The following SMAP1 variants were observed in gnomAD, a reference collection of about 807,000 sequenced individuals.
SMAP1 encodes stromal membrane-associated protein 1.
A neutral mutation model predicts 58.5 loss-of-function variants in SMAP1; 24 were observed. The observed-to-expected ratio is 0.41, with a 90% CI of 0.30 to 0.58. SMAP1 has a LOEUF of 0.58. SMAP1 is among the 20% of genes least tolerant of loss of function. The probability of loss-of-function intolerance (pLI) is 0.29; values close to 1 mark genes in which losing one functional copy is unlikely to be tolerated. For missense variants in SMAP1, 563 were observed against 566.3 expected (o/e 0.99, Z 0.06); for synonymous variants, 216 against 196.6 (o/e 1.10, Z -0.82).
intron 5 of SMAP1, among the ~76,000 whole-genome samples, chr6:70,792,478 G>A (rs1048166184): frequency 6.6e-6 from 1 of 151,966 alleles, no homozygotes; most frequent in African/African-American, 2.4e-5. Flanking sequence ...CCCTCCAGGA[G>A]CTTACAGTCT....
At chr6:70,825,956 G>A (rs1474713363) in intron 6 of SMAP1, among the ~76,000 whole-genome samples, 1 of 152,164 alleles carries the variant, frequency 6.6e-6, no homozygotes, top group Non-Finnish European at 1.5e-5. Context: ...TTGTGTCCAT[G>A]TGCATAACTA....
intron 1 of SMAP1, among the ~76,000 whole-genome samples, chr6:70,675,050 C>A (rs567509879): frequency 1.3e-5 from 2 of 150,644 alleles, no homozygotes; most frequent in Non-Finnish European, 2.9e-5. Flanking sequence ...AGACATGAAA[C>A]AATTACCAGT....
intron 1 of SMAP1, among the ~76,000 whole-genome samples, chr6:70,718,819 C>CAAA (rs5877259): frequency 8.7e-4 from 50 of 57,342 alleles, no homozygotes; most frequent in Non-Finnish European, 1.3e-3. Context: ...GACTCCATCT[C>CAAA]AAAAAAAAAA....
intron 10 of SMAP1, 58 bp downstream of exon 10, chr6:70,858,287 CTTTT>C (rs68188898): frequency 0.038 from 10,683 of 284,172 alleles, 81 homozygotes; most frequent in African/African-American, 0.11. Flanking sequence ...TTTTCTAAAT[CTTTT>C]TTTTTTTTTT....
intron 6 of SMAP1, among the ~76,000 whole-genome samples, chr6:70,804,731 T>G (rs548323411): frequency 9.2e-5 from 14 of 152,234 alleles, no homozygotes; most frequent in South Asian, 2.1e-4. Flanking sequence ...GTCTGTAAAG[T>G]ATTTTATTTC....
chr6:70,804,593 G>A (rs1164115647), intron 6 of SMAP1, among the ~76,000 whole-genome samples: 3 of 152,136 alleles, frequency 2.0e-5, no homozygotes, highest in Non-Finnish European at 4.4e-5. Context: ...TCATAGCATC[G>A]ATGGTCTTTC....
intron 1 of SMAP1, among the ~76,000 whole-genome samples, 156 bp downstream of exon 1, chr6:70,668,297 C>T (rs1349700803): frequency 1.3e-5 from 2 of 152,034 alleles, no homozygotes; most frequent in Non-Finnish European, 2.9e-5. Flanking sequence ...GGGCGCGGGG[C>T]TCCTGTCGAC....
intron 6 of SMAP1, among the ~76,000 whole-genome samples, chr6:70,813,777 A>G (rs1769493026): frequency 6.6e-6 from 1 of 152,158 alleles, no homozygotes; most frequent in Non-Finnish European, 1.5e-5. Context: ...AAAATCTGTT[A>G]AATAAACAAT....
chr6:70,777,817 A>G (rs1767606595), intron 4 of SMAP1, among the ~76,000 whole-genome samples: 1 of 151,714 alleles, frequency 6.6e-6, no homozygotes, highest in Admixed American at 6.6e-5. Context: ...TAATGGTGCA[A>G]TCTCAGCTCC....
chr6:70,834,436 C>G (rs985756821), intron 6 of SMAP1, among the ~76,000 whole-genome samples: 2 of 150,646 alleles, frequency 1.3e-5, no homozygotes, highest in African/African-American at 4.9e-5. Context: ...TTCCTGTATT[C>G]CTATTTGGCA....
intron 7 of SMAP1, 22 bp downstream of exon 7, chr6:70,837,050 T>C (rs1451279689): frequency 6.6e-7 from 1 of 1,520,342 alleles, no homozygotes; most frequent in Non-Finnish European, 8.9e-7. Context: ...AAAATAAAAG[T>C]CACTGCTGGA....
intron 2 of SMAP1, among the ~76,000 whole-genome samples, chr6:70,754,770 C>G (rs950236229): frequency 4.6e-5 from 7 of 152,044 alleles, no homozygotes; most frequent in Middle Eastern, 3.4e-3. Context: ...GATCAACATA[C>G]GTTGATAAAT....
chr6:70,751,905 C>T (rs919971369), intron 2 of SMAP1, among the ~76,000 whole-genome samples: 1 of 152,084 alleles, frequency 6.6e-6, no homozygotes, highest in Non-Finnish European at 1.5e-5. Flanking sequence ...CCTCCACACC[C>T]CCTGTTTTTT....
At chr6:70,772,689 T>G (rs1259959874) in intron 3 of SMAP1, among the ~76,000 whole-genome samples, 3 of 152,220 alleles carry the variant, frequency 2.0e-5, no homozygotes, top group Non-Finnish European at 4.4e-5. Context: ...TTCAAGAATT[T>G]AAAGAAGACT....
chr6:70,674,925 A>G (rs1322890979), intron 1 of SMAP1, among the ~76,000 whole-genome samples: 3 of 152,180 alleles, frequency 2.0e-5, no homozygotes, highest in African/African-American at 7.2e-5. Context: ...CAGTGAGCCG[A>G]GATGGCGCCA....
At chr6:70,749,135 G>A (rs940788019) in intron 2 of SMAP1, among the ~76,000 whole-genome samples, 7 of 152,140 alleles carry the variant, frequency 4.6e-5, no homozygotes, top group Admixed American at 1.3e-4. Flanking sequence ...TAATTATGGC[G>A]GAAGGCGAGG....
At chr6:70,852,119 A>G (rs1213994736) in intron 7 of SMAP1, among the ~76,000 whole-genome samples, 1 of 152,094 alleles carries the variant, frequency 6.6e-6, no homozygotes, top group African/African-American at 2.4e-5. Context: ...ATCAAATTCC[A>G]CCTTAGCCCC....
At chr6:70,742,831 G>A (rs71248336) in intron 2 of SMAP1, among the ~76,000 whole-genome samples, 1 of 152,128 alleles carries the variant, frequency 6.6e-6, no homozygotes, top group Non-Finnish European at 1.5e-5. Flanking sequence ...TGAAAGGCAC[G>A]TCTCACATGG....
intron 2 of SMAP1, among the ~76,000 whole-genome samples, chr6:70,752,638 A>T (rs1766325128): frequency 6.6e-6 from 1 of 151,912 alleles, no homozygotes; most frequent in African/African-American, 2.4e-5. Context: ...CATATTCTTT[A>T]TCGCCTCCCC....
Sources: gnomAD v4.1 joint callset for allele counts (sites outside exome capture counted in the v4.1 genomes callset) on GRCh38, gnomAD v4.1.1 for gene constraint, MANE v1.5 for transcripts, NCBI Gene and HGNC (gene_info 2026-07-23, HGNC 2026-07-21) for gene names.